The following RAD51B variants were observed in gnomAD, a reference collection of about 807,000 sequenced individuals.
RAD51B encodes the protein RAD51 paralog B.
RAD51B carries 38 observed loss-of-function variants against 42.2 expected under a neutral mutation model. The observed-to-expected ratio is 0.90, with a 90% CI of 0.70 to 1.18. RAD51B has a LOEUF of 1.18. Among genes scored for constraint, RAD51B ranks in the 50% most tolerant of loss-of-function variants. RAD51B has a pLI of 0.00. For synonymous variants in RAD51B, 154 were observed against 145.2 expected (o/e 1.06, Z -0.43); for missense variants, 373 against 400.7 (o/e 0.93, Z 0.59).
intron 7 of RAD51B, among the ~76,000 whole-genome samples, chr14:68,152,398 C>T (rs1317267786): frequency 1.3e-5 from 2 of 152,100 alleles, no homozygotes; most frequent in Non-Finnish European, 2.9e-5. Flanking sequence ...GGCAGGGCTA[C>T]TCTCTGTTAG....
chr14:67,961,419 A>G (rs777123774), intron 7 of RAD51B, among the ~76,000 whole-genome samples: 15 of 152,212 alleles, frequency 9.9e-5, no homozygotes, highest in Non-Finnish European at 1.8e-4. Context: ...AGAGGTTTTC[A>G]TTCATATCCA....
rs192032022 is a variant in RAD51B at position 68,253,291 on chromosome 14, T to C, written c.757-38593T>C. Among the ~76,000 whole-genome samples, 364 of 152,332 alleles carry C rather than the reference T, an allele frequency of 2.4e-3. 1 individual carries two copies. The highest frequency in any genetic ancestry group is 3.9e-3 in the Non-Finnish European group (264 of 68,022). On this transcript the variant is annotated intron_variant, in intron 7 of 10. Coordinates refer to ENST00000471583, the MANE Select transcript of RAD51B (RefSeq NM_133510.4). ...ATCATGCCATCTGTAGCTTTTTTTT[T>C]CATGTAACATTATACTTAAGATATT...
intron 7 of RAD51B, among the ~76,000 whole-genome samples, chr14:68,006,886 G>T (rs1313702762): frequency 2.0e-5 from 3 of 152,092 alleles, no homozygotes; most frequent in Non-Finnish European, 4.4e-5. Context: ...AGATATAAAT[G>T]ACATGCAATA....
intron 7 of RAD51B, among the ~76,000 whole-genome samples, chr14:68,070,821 T>C (rs1481495473): frequency 1.1e-4 from 16 of 151,978 alleles, no homozygotes; most frequent in Admixed American, 6.6e-4. Flanking sequence ...ATGTGAAACA[T>C]GTCATTGGTA....
chr14:68,331,366 TCAAAAAA>T (rs1481422268), intron 8 of RAD51B, among the ~76,000 whole-genome samples: 1 of 14,130 alleles, frequency 7.1e-5, no homozygotes, highest in East Asian at 9.2e-4. Context: ...AGACTCTGTC[TCAAAAAA>T]AAAAAAAAAA....
chr14:68,332,817 G>A (rs1053978345), intron 8 of RAD51B, among the ~76,000 whole-genome samples: 34 of 152,166 alleles, frequency 2.2e-4, no homozygotes, highest in African/African-American at 8.2e-4. Flanking sequence ...AATATTTTGT[G>A]AGCGGAGAAG....
chr14:68,540,141 G>A, intron 10 of RAD51B: 1 of 987,764 alleles, frequency 1.0e-6, no homozygotes, highest in African/African-American at 1.7e-5. Context: ...ATGCCTCCAG[G>A]ACATGAGGGA....
At chr14:68,189,573 T>C (rs2079222501) in intron 7 of RAD51B, among the ~76,000 whole-genome samples, 1 of 152,186 alleles carries the variant, frequency 6.6e-6, no homozygotes, top group Non-Finnish European at 1.5e-5. Flanking sequence ...CTTGAGGTAT[T>C]AAACAGCAGA....
chr14:68,414,658 G>T (rs2084505085), intron 9 of RAD51B, among the ~76,000 whole-genome samples: 1 of 151,934 alleles, frequency 6.6e-6, no homozygotes, highest in Non-Finnish European at 1.5e-5. Flanking sequence ...GACTCTAAAG[G>T]AAGGTAACAT....
chr14:68,062,399 C>G (rs1037994182), intron 7 of RAD51B, among the ~76,000 whole-genome samples: 2 of 152,100 alleles, frequency 1.3e-5, no homozygotes, highest in Admixed American at 1.3e-4. Flanking sequence ...CAGGGTAATG[C>G]TGGACTTATA....
chr14:68,458,969 G>C (rs1418460574), intron 9 of RAD51B, among the ~76,000 whole-genome samples: 1 of 152,164 alleles, frequency 6.6e-6, no homozygotes, highest in African/African-American at 2.4e-5. Context: ...TGGTGTTGAG[G>C]CTTCAGTGTT....
At chr14:68,357,693 G>A (rs188006352) in intron 8 of RAD51B, among the ~76,000 whole-genome samples, 1 of 152,160 alleles carries the variant, frequency 6.6e-6, no homozygotes, top group Non-Finnish European at 1.5e-5. Context: ...GAGCTCTTCA[G>A]TGACCAGCTA....
chr14:68,411,288 T>G, intron 8 of RAD51B, 136 bp from the exon 9 acceptor site: 1 of 702,506 alleles, frequency 1.4e-6, no homozygotes, highest in Non-Finnish European at 2.5e-6. Flanking sequence ...CTTCACTGAT[T>G]CCTCAAGTTC....
intron 10 of RAD51B, among the ~76,000 whole-genome samples, chr14:68,502,758 G>A (rs1006396564): frequency 7.2e-5 from 11 of 152,146 alleles, no homozygotes; most frequent in African/African-American, 2.2e-4. Flanking sequence ...TGGCCTCTGC[G>A]GTGCCTATTC....
chr14:68,094,454 A>G (rs1595388177), intron 7 of RAD51B, among the ~76,000 whole-genome samples: 1 of 152,248 alleles, frequency 6.6e-6, no homozygotes. Context: ...AAAATATAAA[A>G]GAAGGCTATT....
intron 7 of RAD51B, among the ~76,000 whole-genome samples, chr14:68,055,298 T>C (rs2076456670): frequency 6.6e-6 from 1 of 152,186 alleles, no homozygotes; most frequent in Admixed American, 6.5e-5. Context: ...ATTTTAAACC[T>C]ATTTTTAGAA....
rs532578850 is a variant in RAD51B, at chr14:68,669,092, G to A, written c.*11+18236G>A. ...ATGCAACTTAAAGTTCCTTCATCAC[G>A]GAGAGCCTACCAGGCCTGCCACGTG... On this transcript the variant is annotated intron_variant, in intron 11 of 11. Coordinates refer to the RAD51B transcript ENST00000488612. Among the ~76,000 whole-genome samples the A allele has an allele frequency of 9.2e-5, 14 of 152,272 alleles. No individual in the cohort carries two copies. The East Asian group carries it at 1.5e-3, about 17-fold the overall frequency.
chr14:68,032,714 C>CTA (rs1273514616), intron 7 of RAD51B, among the ~76,000 whole-genome samples: 2 of 152,234 alleles, frequency 1.3e-5, no homozygotes, highest in African/African-American at 2.4e-5. Flanking sequence ...ATACTCCACA[C>CTA]TATAGATAGA....
chr14:67,868,683 CCTGT>C (rs1704775608), intron 5 of RAD51B, among the ~76,000 whole-genome samples: 1 of 152,186 alleles, frequency 6.6e-6, no homozygotes, highest in Admixed American at 6.5e-5. Flanking sequence ...CATAAATGTC[CCTGT>C]CTGACAGCTT....
Sources: allele counts gnomAD v4.1 joint callset (sites outside exome capture counted in the v4.1 genomes callset), GRCh38; gene constraint gnomAD v4.1.1; transcripts MANE v1.5; gene names NCBI Gene and HGNC (gene_info 2026-07-23, HGNC 2026-07-21).